The following LRRC69 variants were observed in gnomAD, a reference collection of about 807,000 sequenced individuals.
LRRC69 encodes leucine-rich repeat-containing protein 69.
A neutral mutation model predicts 37.8 loss-of-function variants in LRRC69; 42 were observed. The ratio of observed to expected loss-of-function variants is 1.11; its 90% CI spans 0.87 to 1.44. The LOEUF (loss-of-function observed/expected upper bound fraction) is 1.44, where lower values mean the gene tolerates loss of function less well. Among genes scored for constraint, LRRC69 ranks in the 40% most tolerant of loss-of-function variants. The pLI, the probability that LRRC69 is intolerant of heterozygous loss-of-function variation, is 0.00. For synonymous variants in LRRC69, 141 were observed against 143.1 expected (o/e 0.99, Z 0.11); for missense variants, 357 against 401.9 (o/e 0.89, Z 0.96).
At chr8:91,127,090 G>A (rs1443123866) in exon 3 of LRRC69, 1 of 1,545,370 alleles carries the variant, frequency 6.5e-7, no homozygotes. Flanking sequence ...TCTAACAGAT[G>A]GCTTACAAAA....
chr8:91,133,412 C>T (rs1269496557), intron 4 of LRRC69, 107 bp downstream of exon 4: 2 of 747,114 alleles, frequency 2.7e-6, no homozygotes, highest in Non-Finnish European at 4.0e-6. Context: ...CCACCACTTG[C>T]TTTCTCTCAG....
chr8:91,140,980 G>A (rs1427700291), intron 5 of LRRC69, among the ~76,000 whole-genome samples: 1 of 151,926 alleles, frequency 6.6e-6, no homozygotes. Flanking sequence ...ATCATTGGGT[G>A]TTCTTCTACC....
Position 91,118,781 on chromosome 8 carries a change from C to T in LRRC69, c.184-5712C>T, listed in dbSNP as rs56331016. ...GACTAAAGCCTTCCTTCAGGAACTA[C>T]ACATAACCGTAGAGAATGTTACTAA... On this transcript the variant is annotated intron_variant, in intron 1 of 7. Transcript: ENST00000448384. Among the ~76,000 whole-genome samples, 269 of 152,210 alleles carry T rather than the reference C, an allele frequency of 1.8e-3. 1 individual carries two copies. Among genetic ancestry groups the T allele is most frequent in the Non-Finnish European group, 3.0e-3 (202 of 68,030 alleles).
chr8:91,218,278 A>T lies in LRRC69; in HGVS notation c.934-612A>T, dbSNP rs150882923. On this transcript the variant is annotated intron_variant, in intron 7 of 7. Coordinates refer to ENST00000448384, the Ensembl canonical transcript of LRRC69. Reference sequence around the variant, plus strand: ...ATAGAAATGGTAAGCTTTTGAGGTTACCATTATTTCAAACATAAATGGTCA... The same window carrying T: ...ATAGAAATGGTAAGCTTTTGAGGTTTCCATTATTTCAAACATAAATGGTCA... 4.3e-3 allele frequency among the ~76,000 whole-genome samples: 649 copies of T among 152,290 alleles called. 8 individuals are homozygous for T. The highest frequency in any genetic ancestry group is 0.015 in the African/African-American group (630 of 41,564).
chr8:91,212,139 T>C (rs1809939366), intron 7 of LRRC69, among the ~76,000 whole-genome samples: 1 of 152,132 alleles, frequency 6.6e-6, no homozygotes, highest in African/African-American at 2.4e-5. Context: ...ATTTCAATAT[T>C]AGCTACTAAT....
At chr8:91,192,328 C>T (rs1021204323) in intron 6 of LRRC69, among the ~76,000 whole-genome samples, 6 of 151,976 alleles carry the variant, frequency 3.9e-5, no homozygotes, top group Non-Finnish European at 8.8e-5. Context: ...GTCTTTACAG[C>T]AGCATGATTT....
At chr8:91,114,528 T>G (rs1402408082) in intron 1 of LRRC69, among the ~76,000 whole-genome samples, 2 of 152,032 alleles carry the variant, frequency 1.3e-5, no homozygotes, top group Non-Finnish European at 2.9e-5. Flanking sequence ...GAACCACATA[T>G]ATGACAGTGG....
At chr8:91,205,101 T>G (rs543688341) in intron 7 of LRRC69, among the ~76,000 whole-genome samples, 24 of 152,284 alleles carry the variant, frequency 1.6e-4, no homozygotes, top group Admixed American at 5.9e-4. Flanking sequence ...AAAGATTGTA[T>G]TATTACTTTT....
intron 5 of LRRC69, chr8:91,158,288 A>G: frequency 6.6e-7 from 1 of 1,511,078 alleles, no homozygotes; most frequent in Non-Finnish European, 9.2e-7. Context: ...ACATTACTTG[A>G]AAGTATTCAA....
At chr8:91,133,892 A>C (rs1164465295) in intron 4 of LRRC69, among the ~76,000 whole-genome samples, 1 of 151,992 alleles carries the variant, frequency 6.6e-6, no homozygotes, top group East Asian at 1.9e-4. Context: ...TCGGCCTCCC[A>C]AAGTGCTGGG....
intron 5 of LRRC69, among the ~76,000 whole-genome samples, chr8:91,139,382 A>G (rs1663233838): frequency 6.6e-6 from 1 of 151,974 alleles, no homozygotes; most frequent in African/African-American, 2.4e-5. Context: ...TCTACTAAAA[A>G]TACAAAAAAA....
At chr8:91,157,358 G>T in intron 5 of LRRC69, 1 of 1,608,576 alleles carries the variant, frequency 6.2e-7, no homozygotes, top group Admixed American at 1.7e-5. Flanking sequence ...AAAGAAGTAG[G>T]ACCCACTAAT....
intron 5 of LRRC69, among the ~76,000 whole-genome samples, chr8:91,175,796 A>G (rs1471444622): frequency 2.2e-5 from 3 of 136,288 alleles, no homozygotes; most frequent in African/African-American, 8.6e-5. Context: ...AGTTCTGAGT[A>G]AGACGTGACA....
chr8:91,181,456 A>G (rs1252360015), intron 5 of LRRC69, among the ~76,000 whole-genome samples: 20 of 152,186 alleles, frequency 1.3e-4, no homozygotes, highest in Admixed American at 1.3e-3. Flanking sequence ...ATACAGATAT[A>G]GAGAAATTTC....
At chr8:91,161,769 G>A (rs538798113) in intron 5 of LRRC69, among the ~76,000 whole-genome samples, 35 of 150,508 alleles carry the variant, frequency 2.3e-4, no homozygotes, top group South Asian at 1.5e-3. Context: ...TTATTTCTGC[G>A]CTAATTTTCT....
intron 5 of LRRC69, chr8:91,157,927 G>A: frequency 2.0e-6 from 3 of 1,521,238 alleles, no homozygotes; most frequent in Admixed American, 1.7e-5. Context: ...TTGTGTATCG[G>A]CAGTATACTG....
exon 8 of LRRC69, chr8:91,218,897 A>G: frequency 1.3e-6 from 2 of 1,544,908 alleles, no homozygotes; most frequent in South Asian, 2.4e-5. Flanking sequence ...TAGGACTGGA[A>G]GATAAGCAAG....
chr8:91,210,189 T>C (rs1809883108), intron 7 of LRRC69, among the ~76,000 whole-genome samples: 1 of 152,198 alleles, frequency 6.6e-6, no homozygotes, highest in South Asian at 2.1e-4. Flanking sequence ...TTGTCTCTAT[T>C]CACAGTTGAG....
chr8:91,126,729 C>T (rs964612782), intron 2 of LRRC69, among the ~76,000 whole-genome samples: 6 of 151,804 alleles, frequency 4.0e-5, no homozygotes, highest in African/African-American at 1.2e-4. Context: ...AAAGAGAGAG[C>T]GGGTAAGATA....
Sources: allele counts gnomAD v4.1 joint callset (sites outside exome capture counted in the v4.1 genomes callset), GRCh38; gene constraint gnomAD v4.1.1; transcripts MANE v1.5; gene names NCBI Gene and HGNC (gene_info 2026-07-23, HGNC 2026-07-21).